The following CIMAP1C variants were observed in gnomAD, a reference collection of about 807,000 sequenced individuals.
CIMAP1C encodes the protein outer dense fiber of sperm tails 3 like 1.
At chr15:75,724,104 T>G in the CIMAP1C span, 1 of 755,224 alleles carries the variant, frequency 1.3e-6, no homozygotes, top group Non-Finnish European at 2.3e-6. Flanking sequence ...GTGTCTGGGG[T>G]GGGGGATGGG....
the CIMAP1C span, chr15:75,727,427 G>C: frequency 1.9e-6 from 3 of 1,613,952 alleles, no homozygotes; most frequent in Non-Finnish European, 2.5e-6. Context: ...GCCTGGCCCC[G>C]GCTCCCACGA....
chr15:75,727,089 A>T, the CIMAP1C span: 6 of 1,613,538 alleles, frequency 3.7e-6, no homozygotes, highest in Non-Finnish European at 4.2e-6. Context: ...TCCTGCCAGT[A>T]CTACTTTGAG....
At chr15:75,727,582 TA>T in the CIMAP1C span, 1 of 1,513,712 alleles carries the variant, frequency 6.6e-7, no homozygotes, top group Non-Finnish European at 8.8e-7. Flanking sequence ...CCCCAGAAAT[TA>T]TTTTTCTACA....
chr15:75,725,059 C>T, the CIMAP1C span: 7 of 1,332,136 alleles, frequency 5.3e-6, no homozygotes, highest in Admixed American at 8.4e-5. Flanking sequence ...CTTCCCCTGC[C>T]TCTGACCTGG....
the CIMAP1C span, chr15:75,727,500 C>T: frequency 6.2e-5 from 99 of 1,607,872 alleles, 3 homozygotes; most frequent in Admixed American, 1.5e-3. Context: ...ATCAAGCACT[C>T]ACTCCACCTG....
the CIMAP1C span, chr15:75,725,093 T>C: frequency 6.3e-7 from 1 of 1,594,512 alleles, no homozygotes; most frequent in Admixed American, 1.7e-5. Context: ...AGGGCTGTCC[T>C]GTCCATCCTT....
chr15:75,725,334 C>A, the CIMAP1C span: 3 of 823,832 alleles, frequency 3.6e-6, no homozygotes, highest in East Asian at 5.1e-5. Flanking sequence ...TCAAGGGGCC[C>A]CCTGGGTCCA....
chr15:75,724,841 C>T, the CIMAP1C span, among the ~76,000 whole-genome samples: 1 of 152,230 alleles, frequency 6.6e-6, no homozygotes, highest in African/African-American at 2.4e-5. Flanking sequence ...CGTCGGATGC[C>T]TAGTGGAGAA....
chr15:75,724,269 T>A, the CIMAP1C span: 1 of 1,614,112 alleles, frequency 6.2e-7, no homozygotes, highest in South Asian at 1.1e-5. Flanking sequence ...GCCATTGCCC[T>A]CAAGGCAGGA....
the CIMAP1C span, chr15:75,724,198 C>T: frequency 8.8e-5 from 142 of 1,608,682 alleles, 1 homozygote; most frequent in Middle Eastern, 5.0e-4. Flanking sequence ...CCAGCCCCAG[C>T]CATGAAACTG....
chr15:75,726,210 G>T, the CIMAP1C span: 25 of 1,143,072 alleles, frequency 2.2e-5, no homozygotes, highest in Admixed American at 1.6e-4. Flanking sequence ...GGGTTGGGAG[G>T]TTGGGGGGTG....
the CIMAP1C span, chr15:75,724,386 C>A: frequency 9.6e-7 from 1 of 1,046,520 alleles, no homozygotes; most frequent in Non-Finnish European, 1.5e-6. Flanking sequence ...AGCCTGCCTC[C>A]TGCAAAGCCC....
At chr15:75,726,921 C>A in the CIMAP1C span, 1 of 1,136,754 alleles carries the variant, frequency 8.8e-7, no homozygotes, top group Non-Finnish European at 1.3e-6. Context: ...GCCTAAGTGA[C>A]CATTTGGATG....
the CIMAP1C span, chr15:75,724,303 T>A: frequency 3.0e-5 from 49 of 1,612,732 alleles, no homozygotes; most frequent in Non-Finnish European, 3.4e-6. Flanking sequence ...CCTGTCATCA[T>A]GGCCAAGATC....
chr15:75,725,806 C>T, the CIMAP1C span, among the ~76,000 whole-genome samples: 1 of 152,202 alleles, frequency 6.6e-6, no homozygotes, highest in Non-Finnish European at 1.5e-5. Context: ...CCGTTGGCCC[C>T]AACCCCTGAT....
At chr15:75,726,025 G>T in the CIMAP1C span, 1 of 1,489,032 alleles carries the variant, frequency 6.7e-7, no homozygotes, top group Non-Finnish European at 9.3e-7. Flanking sequence ...AGCCTTTGGG[G>T]CTGACCAGGC....
At chr15:75,724,761 T>C in the CIMAP1C span, among the ~76,000 whole-genome samples, 1 of 152,334 alleles carries the variant, frequency 6.6e-6, no homozygotes, top group African/African-American at 2.4e-5. Flanking sequence ...AGCCTCAATA[T>C]TCTGTAAAAT....
chr15:75,727,117 G>A, the CIMAP1C span: 1 of 1,613,982 alleles, frequency 6.2e-7, no homozygotes, highest in South Asian at 1.1e-5. Flanking sequence ...ACCCACCGGG[G>A]GAACGCAGGG....
the CIMAP1C span, chr15:75,727,357 C>G: frequency 6.2e-7 from 1 of 1,614,154 alleles, no homozygotes; most frequent in South Asian, 1.1e-5. Context: ...TCTATCAGAA[C>G]CGCAGCCCTA....
Sources: allele counts gnomAD v4.1 joint callset (sites outside exome capture counted in the v4.1 genomes callset), GRCh38; gene constraint gnomAD v4.1.1; transcripts MANE v1.5; gene names NCBI Gene and HGNC (gene_info 2026-07-23, HGNC 2026-07-21).